Variants in KLHL1 observed in about 807,000 individuals in gnomAD.
KLHL1 encodes kelch-like protein 1.
In KLHL1, 47 loss-of-function variants were observed where a neutral mutation model predicts 77.7. The ratio of observed to expected loss-of-function variants is 0.60; its 90% CI spans 0.48 to 0.77. The LOEUF (loss-of-function observed/expected upper bound fraction) is 0.77, where lower values mean the gene tolerates loss of function less well. KLHL1 is among the 30% of genes least tolerant of loss of function. KLHL1 has a pLI of 0.00. For synonymous variants in KLHL1, 360 were observed against 325.2 expected, an observed-to-expected ratio of 1.11 and a Z score of -1.15; for missense variants, 925 against 910.8, an observed-to-expected ratio of 1.02 and a Z score of -0.20.
intron 4 of KLHL1, among the ~76,000 whole-genome samples, chr13:69,938,150 G>A (rs1362847654): frequency 6.6e-6 from 1 of 152,064 alleles, no homozygotes; most frequent in African/African-American, 2.4e-5. Context: ...CACATTATCA[G>A]ATGCAAAACA....
At chr13:69,708,122 G>A (rs1875710498) in intron 9 of KLHL1, among the ~76,000 whole-genome samples, 1 of 151,848 alleles carries the variant, frequency 6.6e-6, no homozygotes, top group Non-Finnish European at 1.5e-5. Context: ...TAAAACACAT[G>A]TATGCAGACT....
At chr13:69,995,670 A>G (rs1885133767) in intron 1 of KLHL1, among the ~76,000 whole-genome samples, 1 of 152,272 alleles carries the variant, frequency 6.6e-6, no homozygotes, top group East Asian at 1.9e-4. Context: ...CCCTGAATTG[A>G]AGTAAGTACC....
chr13:70,081,397 G>C (rs566751290), intron 1 of KLHL1, among the ~76,000 whole-genome samples: 1 of 152,136 alleles, frequency 6.6e-6, no homozygotes, highest in Admixed American at 6.5e-5. Context: ...TGGGTCCACT[G>C]CTTTTTCATC....
intron 3 of KLHL1, among the ~76,000 whole-genome samples, chr13:69,946,601 C>T (rs1883533509): frequency 6.6e-6 from 1 of 152,120 alleles, no homozygotes; most frequent in Non-Finnish European, 1.5e-5. Flanking sequence ...CATGCTTGAA[C>T]TCCTGGGCTC....
chr13:69,997,073 T>G (rs1191318529), intron 1 of KLHL1, among the ~76,000 whole-genome samples: 1 of 151,086 alleles, frequency 6.6e-6, no homozygotes, highest in Non-Finnish European at 1.5e-5. Flanking sequence ...GTACAAAAAT[T>G]AGCTGGATGT....
chr13:69,775,978 C>G (rs1199863581), intron 7 of KLHL1, among the ~76,000 whole-genome samples: 1 of 150,090 alleles, frequency 6.7e-6, no homozygotes, highest in Non-Finnish European at 1.5e-5. Flanking sequence ...TGGTGAAGCC[C>G]TGTCTCTACT....
chr13:69,867,984 C>G (rs1188785779), intron 5 of KLHL1, among the ~76,000 whole-genome samples: 1 of 151,304 alleles, frequency 6.6e-6, no homozygotes, highest in East Asian at 1.9e-4. Flanking sequence ...CACATGTACC[C>G]TAAAACTTAA....
intron 3 of KLHL1, among the ~76,000 whole-genome samples, chr13:69,942,553 T>C (rs554119112): frequency 1.3e-5 from 2 of 152,216 alleles, no homozygotes; most frequent in South Asian, 2.1e-4. Context: ...TTATGCATAA[T>C]AACTATTTTT....
At chr13:70,100,011 G>A (rs571758806) in intron 1 of KLHL1, among the ~76,000 whole-genome samples, 4 of 151,576 alleles carry the variant, frequency 2.6e-5, no homozygotes, top group African/African-American at 7.3e-5. Flanking sequence ...AAATTATTTT[G>A]TTTATTCTAG....
At chr13:69,797,090 C>T (rs931228312) in intron 6 of KLHL1, 128 bp from the exon 7 acceptor site, 24 of 716,584 alleles carry the variant, frequency 3.3e-5, no homozygotes, top group Non-Finnish European at 5.1e-5. Context: ...GAAAAAGTGG[C>T]AGAAAAACAA....
At chr13:69,750,373 A>G (rs1874417627) in intron 7 of KLHL1, among the ~76,000 whole-genome samples, 2 of 151,816 alleles carry the variant, frequency 1.3e-5, no homozygotes, top group Admixed American at 1.3e-4. Flanking sequence ...ATAGAATTGA[A>G]CACTTCAGTG....
intron 4 of KLHL1, among the ~76,000 whole-genome samples, chr13:69,916,578 C>T (rs966650849): frequency 5.3e-5 from 8 of 150,480 alleles, no homozygotes; most frequent in East Asian, 2.0e-4. Flanking sequence ...CATCACATAC[C>T]GGGGCCTGTT....
chr13:69,857,615 A>C (rs1379448156), intron 5 of KLHL1, among the ~76,000 whole-genome samples: 1 of 152,112 alleles, frequency 6.6e-6, no homozygotes, highest in Admixed American at 6.6e-5. Context: ...GTATATGCTC[A>C]GTCAGAAAGG....
At chr13:70,037,365 C>A (rs1468855461) in intron 1 of KLHL1, among the ~76,000 whole-genome samples, 2 of 151,972 alleles carry the variant, frequency 1.3e-5, no homozygotes, top group Non-Finnish European at 2.9e-5. Context: ...ATTTCAGTAT[C>A]TCTTGGCTTT....
intron 1 of KLHL1, among the ~76,000 whole-genome samples, chr13:70,066,374 G>A (rs1887005589): frequency 6.6e-6 from 1 of 152,170 alleles, no homozygotes; most frequent in Non-Finnish European, 1.5e-5. Flanking sequence ...TGAGAGCTAT[G>A]TGAAACCTAG....
At chr13:70,027,137 G>C (rs570783560) in intron 1 of KLHL1, among the ~76,000 whole-genome samples, 1 of 152,086 alleles carries the variant, frequency 6.6e-6, no homozygotes, top group South Asian at 2.1e-4. Context: ...AATGATTTAG[G>C]ATTTTTAAAA....
intron 4 of KLHL1, among the ~76,000 whole-genome samples, chr13:69,935,922 T>A: frequency 6.6e-6 from 1 of 152,212 alleles, no homozygotes; most frequent in East Asian, 1.9e-4. Flanking sequence ...TGGAGAATGC[T>A]TCTTCTCTTG....
chr13:70,107,850 C>T lies in KLHL1; in HGVS notation c.-151G>A, dbSNP rs1231133925. The T allele has an allele frequency of 1.6e-6, 1 of 610,672 alleles. No individual in the cohort carries two copies. Among genetic ancestry groups the T allele is most frequent in the Non-Finnish European group, 2.7e-6 (1 of 370,616 alleles). The allele number at this position is 610,672 out of a possible 1,614,324, so 37.8% of individuals were successfully genotyped here. A position where few individuals can be genotyped will look rare whatever the true frequency, so the allele number is the denominator to read the frequency against. On this transcript the variant is annotated 5_prime_UTR_variant, in exon 1 of 11. Coordinates refer to ENST00000377844, the MANE Select transcript of KLHL1 (RefSeq NM_020866.3). ...CAGAAGACGCTAGGTGGGCTGCGCGCTCTGCCAGGCGAAGGCTGGAGCGCA... is the reference window on the plus strand; with the variant it reads ...CAGAAGACGCTAGGTGGGCTGCGCGTTCTGCCAGGCGAAGGCTGGAGCGCA...
intron 6 of KLHL1, among the ~76,000 whole-genome samples, chr13:69,833,125 A>C (rs558031739): frequency 6.6e-6 from 1 of 152,214 alleles, no homozygotes; most frequent in East Asian, 1.9e-4. Context: ...TAAACTCAAT[A>C]AGTTTCTGCA....
Sources: gnomAD v4.1 joint callset for allele counts (sites outside exome capture counted in the v4.1 genomes callset) on GRCh38, gnomAD v4.1.1 for gene constraint, MANE v1.5 for transcripts, NCBI Gene and HGNC (gene_info 2026-07-23, HGNC 2026-07-21) for gene names.